The following NFYB variants were observed in gnomAD, a reference collection of about 807,000 sequenced individuals.
The protein encoded by NFYB is CAAT box DNA-binding protein subunit B.
In NFYB, 13 loss-of-function variants were observed where a neutral mutation model predicts 28.0. That is an observed-to-expected ratio of 0.46 (90% CI 0.30 to 0.74). The LOEUF (loss-of-function observed/expected upper bound fraction) is 0.74. NFYB is among the 30% of genes least tolerant of loss of function. The pLI is 0.07. For synonymous variants in NFYB, 74 were observed against 75.0 expected (o/e 0.99, Z 0.07); for missense variants, 142 against 247.6 (o/e 0.57, Z 2.86).
intron 2 of NFYB, 122 bp downstream of exon 2, chr12:104,135,326 C>T (rs2031062218): frequency 1.3e-6 from 1 of 751,982 alleles, no homozygotes; most frequent in Non-Finnish European, 2.1e-6. Flanking sequence ...GAGGTACTGT[C>T]TGTCTAGACT....
chr12:104,128,609 C>T, intron 2 of NFYB, 92 bp from the exon 3 acceptor site: 1 of 738,364 alleles, frequency 1.4e-6, no homozygotes. Context: ...GATGATGCAT[C>T]AATTATACTT....
chr12:104,120,053 TA>T (rs1013070291), intron 7 of NFYB, among the ~76,000 whole-genome samples: 25 of 149,308 alleles, frequency 1.7e-4, no homozygotes, highest in African/African-American at 4.4e-4. Flanking sequence ...ATAGATATAA[TA>T]AAAAAAAAAT....
chr12:104,123,058 C>G (rs1329418644), intron 5 of NFYB, among the ~76,000 whole-genome samples, 168 bp downstream of exon 5: 1 of 151,810 alleles, frequency 6.6e-6, no homozygotes, highest in Non-Finnish European at 1.5e-5. Flanking sequence ...CGCCTGTAAT[C>G]CCAGCTACTC....
At chr12:104,127,214 G>GT (rs1565825205) in intron 3 of NFYB, among the ~76,000 whole-genome samples, 2 of 152,186 alleles carry the variant, frequency 1.3e-5, no homozygotes, top group East Asian at 3.9e-4. Context: ...TTGAATATCC[G>GT]TTTCAGGATG....
chr12:104,124,902 G>A (rs540122180), intron 4 of NFYB, among the ~76,000 whole-genome samples: 30 of 152,084 alleles, frequency 2.0e-4, no homozygotes, highest in South Asian at 4.1e-4. Context: ...GCTTAGTGAT[G>A]TATTTTAATA....
chr12:104,137,823 C>T (rs2031171808), intron 1 of NFYB: 1 of 147,338 alleles, frequency 6.8e-6, no homozygotes, highest in Non-Finnish European at 1.5e-5. Context: ...GACGCAGCCC[C>T]GCGGCCCCTC....
At chr12:104,127,438 G>C (rs572283556) in intron 3 of NFYB, among the ~76,000 whole-genome samples, 2 of 151,840 alleles carry the variant, frequency 1.3e-5, no homozygotes, top group South Asian at 4.2e-4. Flanking sequence ...CATGGTGCTG[G>C]GCGCCTGTGA....
rs975415757 is a variant in NFYB at position 104,122,126 on chromosome 12, G to A, written c.430-805C>T. On this transcript the variant is annotated intron_variant, in intron 5 of 7. Transcript: ENST00000240055. ...TACTTCTTTGAAATTAACAATAGCAGCAAGAAGTAACATTAATGAGCACTG... is the reference window on the plus strand; with the variant it reads ...TACTTCTTTGAAATTAACAATAGCAACAAGAAGTAACATTAATGAGCACTG... Among the ~76,000 whole-genome samples the A allele has an allele frequency of 2.6e-5, 4 of 152,058 alleles. No homozygotes were observed. The East Asian group carries it at 5.8e-4, about 22-fold the overall frequency.
At chr12:104,134,037 T>C (rs1001500301) in intron 2 of NFYB, among the ~76,000 whole-genome samples, 4 of 152,230 alleles carry the variant, frequency 2.6e-5, no homozygotes, top group Non-Finnish European at 4.4e-5. Flanking sequence ...GTCCTCATCC[T>C]ACTTGACTGT....
chr12:104,123,394 T>C lies in NFYB; in HGVS notation c.261A>G (p.Gln87=). The C allele has an allele frequency of 1.2e-6, 2 of 1,614,096 alleles. No individual in the cohort carries two copies. The highest frequency in any genetic ancestry group is 1.7e-6 in the Non-Finnish European group (2 of 1,180,008). Reference sequence around the variant, plus strand: ...AACTGATGAACTCACTTACACATTCTTGAACACATTCTTTGGCATCTTTTG... The same window carrying C: ...AACTGATGAACTCACTTACACATTCCTGAACACATTCTTTGGCATCTTTTG... ...KIAKDAKECV[Q]ECVSEFISFI... Residue 87 remains glutamine, a synonymous_variant, in exon 5 of 8, where the codon CAA becomes CAG. Coordinates refer to ENST00000240055, the MANE Select transcript of NFYB (RefSeq NM_006166.4).
chr12:104,137,018 T>G (rs997923970), intron 1 of NFYB, among the ~76,000 whole-genome samples: 1 of 152,196 alleles, frequency 6.6e-6, no homozygotes, highest in South Asian at 2.1e-4. Flanking sequence ...TTCAATACTT[T>G]ACAAATAAAC....
chr12:104,119,160 A>G lies in NFYB; in HGVS notation c.*577T>C, dbSNP rs1271660971. 4 of 152,492 alleles carry G rather than the reference A, an allele frequency of 2.6e-5. No individual in the cohort carries two copies. The highest frequency in any genetic ancestry group is 4.4e-5 in the Non-Finnish European group (3 of 68,044). 9.4% of individuals were successfully genotyped at this position (152,492 alleles called of 1,614,324 possible). A position where few individuals can be genotyped will look rare whatever the true frequency, so the allele number is the denominator to read the frequency against. On this transcript the variant is annotated 3_prime_UTR_variant, in exon 8 of 8. Transcript: ENST00000240055. Reference sequence around the variant, plus strand: ...TTGCTTCTGCATTCACACTTATTCAATTACATTTTTTAAAAAAATGATGCT... The same window carrying G: ...TTGCTTCTGCATTCACACTTATTCAGTTACATTTTTTAAAAAAATGATGCT...
chr12:104,120,536 T>C, intron 6 of NFYB, 57 bp from the exon 7 acceptor site: 2 of 1,248,160 alleles, frequency 1.6e-6, no homozygotes, highest in Non-Finnish European at 2.4e-6. Context: ...TTTCTTGGGT[T>C]GTATCTTAAG....
At chr12:104,137,696 G>C (rs2031162700) in intron 1 of NFYB, 1 of 148,610 alleles carries the variant, frequency 6.7e-6, no homozygotes, top group South Asian at 2.1e-4. Context: ...GGCGCCCCCG[G>C]GGACTCGCGC....
Position 104,126,131 on chromosome 12 carries a change from T to G in NFYB, c.214A>C (p.Ile72Leu). The change falls in exon 4 of 8, where the codon ATA becomes CTA. Residue 72 changes from isoleucine to leucine, a missense_variant. Physicochemically the swap from Ile to Leu is conservative, Grantham distance 5. Transcript: ENST00000240055. ...ANVARIMKNA[I>L]PQTGKIAKDA... ...TACGTTACCTTTCCCGTTTGAGGTA[T>G]GGCATTTTTCATTATCCTAGCCACG... The G allele has an allele frequency of 6.3e-7, 1 of 1,586,286 alleles. No homozygotes were observed. The highest frequency in any genetic ancestry group is 8.5e-7 in the Non-Finnish European group (1 of 1,171,060).
chr12:104,120,592 T>G, intron 6 of NFYB, 113 bp from the exon 7 acceptor site: 2 of 733,834 alleles, frequency 2.7e-6, no homozygotes, highest in Non-Finnish European at 4.7e-6. Flanking sequence ...GTATCAATGA[T>G]GTAGTCTTGG....
Position 104,121,550 on chromosome 12 carries a change from G to C in NFYB, c.430-229C>G, listed in dbSNP as rs2030476391. ...AGTTAGTAATGACCTAGAAAGCAAAGTATTTACAGATAAAAATAAATTATT... is the reference window on the plus strand; with the variant it reads ...AGTTAGTAATGACCTAGAAAGCAAACTATTTACAGATAAAAATAAATTATT... On this transcript the variant is annotated intron_variant, in intron 5 of 7. Transcript: ENST00000240055. Among the ~76,000 whole-genome samples the C allele has an allele frequency of 2.6e-5, 4 of 152,126 alleles. No individual in the cohort carries two copies. In the South Asian group the frequency reaches 8.3e-4, roughly 31 times the overall value.
intron 3 of NFYB, among the ~76,000 whole-genome samples, chr12:104,128,215 TAA>T (rs1180279721): frequency 1.3e-5 from 2 of 152,226 alleles, no homozygotes; most frequent in Non-Finnish European, 2.9e-5. Flanking sequence ...ATTTTTATAG[TAA>T]AAGTCTTTTC....
intron 5 of NFYB, among the ~76,000 whole-genome samples, chr12:104,122,898 G>A (rs1336490322): frequency 6.6e-6 from 1 of 151,898 alleles, no homozygotes; most frequent in Non-Finnish European, 1.5e-5. Flanking sequence ...ATGGGGGCCG[G>A]GCATGGTGGC....
Sources: gnomAD v4.1 joint callset for allele counts (sites outside exome capture counted in the v4.1 genomes callset) on GRCh38, gnomAD v4.1.1 for gene constraint, MANE v1.5 for transcripts, NCBI Gene and HGNC (gene_info 2026-07-23, HGNC 2026-07-21) for gene names.